Variants in MCU observed in about 807,000 individuals in gnomAD.
MCU encodes mitochondrial calcium uniporter.
Under a neutral mutation model 45.2 loss-of-function variants are expected in MCU, and 12 were observed. The observed-to-expected ratio is 0.27, with a 90% CI of 0.17 to 0.43. The LOEUF (loss-of-function observed/expected upper bound fraction) is 0.43. Among genes scored for constraint, MCU ranks in the 20% least tolerant of loss-of-function variants. MCU has a pLI of 1.00. For synonymous variants in MCU, 160 were observed against 165.1 expected (o/e 0.97, Z 0.24); for missense variants, 324 against 436.7 (o/e 0.74, Z 2.30).
At position 72,821,185 on chromosome 10, in the gene MCU, C is replaced by T. The variant is rs10509344; in HGVS notation, c.151-13174C>T. On this transcript the variant is annotated intron_variant, in intron 1 of 7. Coordinates refer to ENST00000373053, the MANE Select transcript of MCU (RefSeq NM_138357.3). ...TGTAGGAAACAAACTACAACGGGAACAAAGATCCATGACAAAAGTCAAATA... is the reference window on the plus strand; with the variant it reads ...TGTAGGAAACAAACTACAACGGGAATAAAGATCCATGACAAAAGTCAAATA... 6.2e-3 allele frequency among the ~76,000 whole-genome samples: 922 copies of T among 149,712 alleles called. 26 individuals are homozygous for T. Among genetic ancestry groups the T allele is most frequent in the Admixed American group, 0.053 (803 of 15,062 alleles).
intron 1 of MCU, among the ~76,000 whole-genome samples, chr10:72,805,109 T>C (rs1019310517): frequency 4.4e-5 from 5 of 112,374 alleles, no homozygotes; most frequent in African/African-American, 2.1e-4. Flanking sequence ...TTCTCTTTCT[T>C]TCTTTCTTTC....
In MCU at chr10:72,885,907, T is replaced by C. The variant is rs1845768035; in HGVS notation, c.*85T>C. 1 of 1,071,580 alleles carries C rather than the reference T, an allele frequency of 9.3e-7. No individual in the cohort carries two copies. Among genetic ancestry groups the C allele is most frequent in the Non-Finnish European group, 1.4e-6 (1 of 698,376 alleles). 66.4% of individuals were successfully genotyped at this position (1,071,580 alleles called of 1,614,324 possible). A position where few individuals can be genotyped will look rare whatever the true frequency, so the allele number is the denominator to read the frequency against. On this transcript the variant is annotated 3_prime_UTR_variant, in exon 8 of 8. Transcript: ENST00000373053. ...CATTGCAGGTGGAAGCTGGGAGCCA[T>C]GTGGGGGGTAGAGCGTTTTTACCTT... is the stretch of plus-strand genomic sequence containing the variant.
chr10:72,812,083 GC>G (rs1322948123), intron 1 of MCU, among the ~76,000 whole-genome samples: 1 of 100,148 alleles, frequency 1.0e-5, no homozygotes, highest in Non-Finnish European at 2.6e-5. Context: ...TGTTTATAGT[GC>G]TTTTTTTTTT....
At chr10:72,751,519 T>C (rs1415099016) in intron 1 of MCU, among the ~76,000 whole-genome samples, 1 of 150,456 alleles carries the variant, frequency 6.6e-6, no homozygotes, top group African/African-American at 2.5e-5. Flanking sequence ...AATGCCTGGC[T>C]AATTTTTGTA....
intron 1 of MCU, among the ~76,000 whole-genome samples, chr10:72,757,707 TAAATA>T (rs1843598789): frequency 6.6e-6 from 1 of 152,220 alleles, no homozygotes; most frequent in Admixed American, 6.5e-5. Flanking sequence ...TTTCCCCAAC[TAAATA>T]ATTCTGTCCC....
chr10:72,709,160 C>G (rs1048499150), intron 1 of MCU, among the ~76,000 whole-genome samples: 1 of 152,102 alleles, frequency 6.6e-6, no homozygotes, highest in African/African-American at 2.4e-5. Flanking sequence ...ATATATATTT[C>G]CAAAGAAGGC....
At chr10:72,736,251 C>G (rs766656094) in intron 1 of MCU, among the ~76,000 whole-genome samples, 1 of 151,996 alleles carries the variant, frequency 6.6e-6, no homozygotes, top group African/African-American at 2.4e-5. Context: ...TGTAGTTGAT[C>G]TGGCTGGTGA....
rs372278399 is a variant in MCU at position 72,797,604 on chromosome 10, G to A, written c.151-36755G>A. ...GACTGGAATGCAGTGGCACTGTGTC[G>A]GCTCACTGCAACCTCCGTCTCCTGG... On this transcript the variant is annotated intron_variant, in intron 1 of 7. Transcript: ENST00000373053. Among the ~76,000 whole-genome samples, 3 of 144,508 alleles carry A rather than the reference G, an allele frequency of 2.1e-5. No homozygotes were observed. In the Admixed American group the frequency reaches 2.1e-4, roughly 10 times the overall value. 94.8% of individuals were successfully genotyped at this position (144,508 alleles called of 152,430 possible).
At chr10:72,863,604 A>T (rs1845411545) in intron 4 of MCU, among the ~76,000 whole-genome samples, 1 of 152,158 alleles carries the variant, frequency 6.6e-6, no homozygotes, top group Non-Finnish European at 1.5e-5. Flanking sequence ...ATATATGTAG[A>T]TACAAGTCTA....
At chr10:72,806,823 A>G (rs1844459780) in intron 1 of MCU, among the ~76,000 whole-genome samples, 1 of 152,220 alleles carries the variant, frequency 6.6e-6, no homozygotes, top group South Asian at 2.1e-4. Flanking sequence ...TGCAAAAAGA[A>G]TCTATGGAAG....
chr10:72,735,491 T>C (rs148398731), intron 1 of MCU, among the ~76,000 whole-genome samples: 19 of 152,284 alleles, frequency 1.2e-4, no homozygotes, highest in African/African-American at 4.3e-4. Context: ...CTGGGCTCTA[T>C]TAATAGAAGC....
intron 1 of MCU, among the ~76,000 whole-genome samples, chr10:72,809,540 A>T (rs2132797472): frequency 6.6e-6 from 1 of 152,270 alleles, no homozygotes; most frequent in Non-Finnish European, 1.5e-5. Context: ...TTGAAATCGG[A>T]AACATTGGAG....
chr10:72,884,191 C>A, intron 6 of MCU, 75 bp from the exon 7 acceptor site: 1 of 879,212 alleles, frequency 1.1e-6, no homozygotes, highest in Non-Finnish European at 1.9e-6. Context: ...TGTATTGAAT[C>A]TAAGCAGCAG....
At chr10:72,713,946 T>A (rs1386647969) in intron 1 of MCU, among the ~76,000 whole-genome samples, 1 of 103,498 alleles carries the variant, frequency 9.7e-6, no homozygotes, top group Non-Finnish European at 2.0e-5. Flanking sequence ...TCTTTCATCA[T>A]TTGTGTGTGT....
At chr10:72,728,470 G>C (rs1843128449) in intron 1 of MCU, among the ~76,000 whole-genome samples, 2 of 152,220 alleles carry the variant, frequency 1.3e-5, no homozygotes, top group Non-Finnish European at 1.5e-5. Context: ...ATTTCTCTAA[G>C]TTCATGATAC....
intron 4 of MCU, among the ~76,000 whole-genome samples, chr10:72,861,423 G>GT (rs1356079682): frequency 6.6e-6 from 1 of 151,576 alleles, no homozygotes; most frequent in African/African-American, 2.4e-5. Flanking sequence ...GAATTGTTGG[G>GT]TTTTTTTGTT....
At chr10:72,718,498 T>A (rs1191211688) in intron 1 of MCU, among the ~76,000 whole-genome samples, 2 of 152,144 alleles carry the variant, frequency 1.3e-5, no homozygotes, top group Admixed American at 6.5e-5. Flanking sequence ...AGTTTTGGAG[T>A]CCATACCTTC....
At chr10:72,797,761 C>T (rs1056641819) in intron 1 of MCU, among the ~76,000 whole-genome samples, 3 of 152,176 alleles carry the variant, frequency 2.0e-5, no homozygotes, top group African/African-American at 7.2e-5. Flanking sequence ...TCTCGAGCTC[C>T]TGACCTCAGG....
chr10:72,692,979 G>A (rs1564530387), intron 1 of MCU: 5 of 1,535,964 alleles, frequency 3.3e-6, no homozygotes, highest in East Asian at 2.4e-5. Context: ...GGTGCTTTTG[G>A]GGGTCCTTTC....
Sources: gnomAD v4.1 joint callset for allele counts (sites outside exome capture counted in the v4.1 genomes callset) on GRCh38, gnomAD v4.1.1 for gene constraint, MANE v1.5 for transcripts, NCBI Gene and HGNC (gene_info 2026-07-23, HGNC 2026-07-21) for gene names.